Variants in AFF1 observed in about 807,000 individuals in gnomAD.
The protein encoded by AFF1 is ALF transcription elongation factor 1.
AFF1 carries 48 observed loss-of-function variants against 121.7 expected under a neutral mutation model. That is an observed-to-expected ratio of 0.39 (90% CI 0.31 to 0.50). The LOEUF (loss-of-function observed/expected upper bound fraction) is 0.50. Among genes scored for constraint, AFF1 ranks in the 20% least tolerant of loss-of-function variants. AFF1 has a pLI of 0.76. For missense variants in AFF1, 1,523 were observed against 1,511.7 expected (o/e 1.01, Z -0.12); for synonymous variants, 613 against 563.0 (o/e 1.09, Z -1.26).
At chr4:87,114,043 A>C (rs1457063060) in intron 11 of AFF1, among the ~76,000 whole-genome samples, 1 of 152,256 alleles carries the variant, frequency 6.6e-6, no homozygotes, top group African/African-American at 2.4e-5. Flanking sequence ...AGAGTAGTTC[A>C]CAAAACAAAA....
intron 11 of AFF1, 69 bp downstream of exon 11, chr4:87,108,384 G>A: frequency 1.3e-6 from 2 of 1,534,058 alleles, no homozygotes; most frequent in South Asian, 2.4e-5. Context: ...TAGAGTCAGT[G>A]CTGTGGGCCA....
At chr4:87,074,745 T>C (rs1036730008) in intron 4 of AFF1, among the ~76,000 whole-genome samples, 16 of 152,234 alleles carry the variant, frequency 1.1e-4, no homozygotes, top group South Asian at 2.1e-4. Context: ...TACAGGACCT[T>C]GCAAACATCA....
chr4:87,102,418 A>C (rs1208392416), intron 8 of AFF1, among the ~76,000 whole-genome samples: 1 of 152,194 alleles, frequency 6.6e-6, no homozygotes, highest in African/African-American at 2.4e-5. Flanking sequence ...TGGAATTTAG[A>C]TTTAATTCCA....
At chr4:86,982,800 A>G (rs57785643) in intron 2 of AFF1, among the ~76,000 whole-genome samples, 5,776 of 139,240 alleles carry the variant, frequency 0.041, 193 homozygotes, top group African/African-American at 0.1. Context: ...GTGAGCCGAG[A>G]TCGTGCCACT....
intron 5 of AFF1, among the ~76,000 whole-genome samples, chr4:87,084,589 TAAATAAATAAATAAAA>T (rs765727999): frequency 0.083 from 11,650 of 140,358 alleles, 633 homozygotes; most frequent in Non-Finnish European, 0.12. Flanking sequence ...AATAAATAAA[TAAATAAATAAATAAAA>T]AATAAAGAAC....
intron 14 of AFF1, among the ~76,000 whole-genome samples, chr4:87,126,658 GA>G (rs1239135576): frequency 6.6e-6 from 1 of 152,146 alleles, no homozygotes; most frequent in African/African-American, 2.4e-5. Context: ...TTTGATCTCA[GA>G]TACTTTCATT....
At chr4:87,113,791 A>G (rs895863810) in intron 11 of AFF1, among the ~76,000 whole-genome samples, 1 of 152,202 alleles carries the variant, frequency 6.6e-6, no homozygotes, top group Admixed American at 6.5e-5. Flanking sequence ...ACTTGAGGCC[A>G]GGAGTTTGAG....
intron 8 of AFF1, among the ~76,000 whole-genome samples, chr4:87,102,743 A>C (rs1031316298): frequency 4.6e-5 from 7 of 152,220 alleles, no homozygotes; most frequent in Non-Finnish European, 1.0e-4. Context: ...GAAGAAGCAT[A>C]TCCATTGAGC....
intron 2 of AFF1, among the ~76,000 whole-genome samples, chr4:86,963,800 CT>C (rs71660104): frequency 5.4e-4 from 77 of 143,784 alleles, no homozygotes; most frequent in Admixed American, 7.6e-4. Context: ...CTTTTCATTT[CT>C]TTTTTTTTTT....
chr4:86,973,543 T>C (rs1338341935), intron 2 of AFF1, among the ~76,000 whole-genome samples: 1 of 152,168 alleles, frequency 6.6e-6, no homozygotes, highest in Non-Finnish European at 1.5e-5. Context: ...TTTTAATGTA[T>C]TGAATTTGGA....
intron 16 of AFF1, among the ~76,000 whole-genome samples, chr4:87,128,341 GTAGT>G (rs1728492567): frequency 6.6e-6 from 1 of 152,174 alleles, no homozygotes; most frequent in Non-Finnish European, 1.5e-5. Flanking sequence ...TGGTGGTTTT[GTAGT>G]TAATTGTGTA....
chr4:87,069,243 TAGAC>T (rs1362996354), intron 4 of AFF1, among the ~76,000 whole-genome samples: 5 of 149,328 alleles, frequency 3.3e-5, no homozygotes, highest in East Asian at 3.9e-4. Flanking sequence ...TGATAGGTAA[TAGAC>T]AGGTGGCGTG....
At chr4:87,047,865 A>G in intron 4 of AFF1, 2 of 513,344 alleles carry the variant, frequency 3.9e-6, no homozygotes, top group Non-Finnish European at 7.1e-6. Flanking sequence ...TAGAGATCAT[A>G]AGAGTACAGT....
intron 2 of AFF1, among the ~76,000 whole-genome samples, chr4:87,021,110 G>A (rs1262865870): frequency 6.6e-6 from 1 of 152,108 alleles, no homozygotes; most frequent in Non-Finnish European, 1.5e-5. Flanking sequence ...TTACCCTTCT[G>A]AGGTGCACTC....
At chr4:87,057,920 G>GC (rs1422144533) in intron 4 of AFF1, among the ~76,000 whole-genome samples, 1 of 148,044 alleles carries the variant, frequency 6.8e-6, no homozygotes, top group African/African-American at 2.5e-5. Context: ...CCCCACCCCT[G>GC]CCTGATGGCT....
intron 10 of AFF1, 151 bp from the exon 11 acceptor site, chr4:87,108,008 T>G (rs1050254407): frequency 1.1e-5 from 8 of 702,648 alleles, no homozygotes; most frequent in African/African-American, 1.8e-5. Context: ...TTAAACTACT[T>G]TGGGCCTCTC....
intron 4 of AFF1, among the ~76,000 whole-genome samples, chr4:87,049,011 G>A (rs1178447579): frequency 7.1e-6 from 1 of 140,874 alleles, no homozygotes; most frequent in Non-Finnish European, 1.5e-5. Flanking sequence ...TCTAATTCAG[G>A]CAATAAAGAA....
At chr4:87,086,234 G>A (rs963637594) in intron 5 of AFF1, among the ~76,000 whole-genome samples, 2 of 152,086 alleles carry the variant, frequency 1.3e-5, no homozygotes, top group Non-Finnish European at 2.9e-5. Context: ...GAAATTGTGC[G>A]TTATTTGTTC....
chr4:87,136,942 T>C lies in AFF1; in HGVS notation c.*1241T>C, dbSNP rs1461214484. The C allele has an allele frequency of 4.5e-6, 1 of 221,204 alleles. No homozygotes were observed. The highest frequency in any genetic ancestry group is 9.1e-6 in the Non-Finnish European group (1 of 110,398). The allele number at this position is 221,204 out of a possible 1,614,324, so 13.7% of individuals were successfully genotyped here. A position where few individuals can be genotyped will look rare whatever the true frequency, so the allele number is the denominator to read the frequency against. ...GCCTTCACTCCAGAGTGTTCTCAGC[T>C]AGATTTGATTTGGTTGAGGAGGAAC... On this transcript the variant is annotated 3_prime_UTR_variant, in exon 21 of 21. Transcript: ENST00000395146.
Sources: gnomAD v4.1 joint callset for allele counts (sites outside exome capture counted in the v4.1 genomes callset) on GRCh38, gnomAD v4.1.1 for gene constraint, MANE v1.5 for transcripts, NCBI Gene and HGNC (gene_info 2026-07-23, HGNC 2026-07-21) for gene names.